Variants in SGCE observed in about 807,000 individuals in gnomAD.
SGCE encodes epsilon-sarcoglycan.
Under a neutral mutation model 57.8 loss-of-function variants are expected in SGCE, and 26 were observed. That is an observed-to-expected ratio of 0.45 (90% CI 0.33 to 0.62). SGCE has a LOEUF of 0.62. Ranked by LOEUF, SGCE falls within the 20% of genes least tolerant of loss-of-function variation. The pLI is 0.02. For missense variants in SGCE, 468 were observed against 548.6 expected, an observed-to-expected ratio of 0.85 and a Z score of 1.47; for synonymous variants, 183 against 189.5, an observed-to-expected ratio of 0.97 and a Z score of 0.28.
intron 9 of SGCE, chr7:94,598,016 A>AC (rs1390986551): frequency 5.8e-6 from 1 of 173,806 alleles, no homozygotes; most frequent in African/African-American, 2.4e-5. Context: ...TTAAAAAAAA[A>AC]AAAGAAAAAA....
At chr7:94,647,059 T>C (rs1004526725) in intron 1 of SGCE, among the ~76,000 whole-genome samples, 7 of 152,082 alleles carry the variant, frequency 4.6e-5, no homozygotes, top group African/African-American at 1.7e-4. Flanking sequence ...TATGATCACA[T>C]TTTTTCACTT....
At chr7:94,618,020 A>G (rs1334652952) in intron 5 of SGCE, 2 of 152,200 alleles carry the variant, frequency 1.3e-5, no homozygotes, top group Admixed American at 1.3e-4. Flanking sequence ...ATCTGCCTCA[A>G]CCTACAGATT....
intron 3 of SGCE, 142 bp from the exon 4 acceptor site, chr7:94,623,539 G>T: frequency 4.7e-6 from 3 of 634,876 alleles, no homozygotes; most frequent in Non-Finnish European, 8.4e-6. Flanking sequence ...CCTTCTCTGG[G>T]CAATGAGAAC....
intron 3 of SGCE, chr7:94,624,215 T>C (rs1016033477): frequency 7.7e-6 from 3 of 391,132 alleles, no homozygotes; most frequent in African/African-American, 4.2e-5. Context: ...ATCCCAGCAC[T>C]AACCTTCTGG....
At chr7:94,633,187 A>G (rs1197286460) in intron 1 of SGCE, among the ~76,000 whole-genome samples, 2 of 152,010 alleles carry the variant, frequency 1.3e-5, no homozygotes, top group Non-Finnish European at 2.9e-5. Flanking sequence ...GCCACTAGAT[A>G]TAAATGAAAC....
At chr7:94,640,395 G>T (rs1806216562) in intron 1 of SGCE, among the ~76,000 whole-genome samples, 1 of 152,144 alleles carries the variant, frequency 6.6e-6, no homozygotes, top group Admixed American at 6.5e-5. Context: ...GTGATCTGGA[G>T]CAAATATATG....
intron 9 of SGCE, chr7:94,598,535 C>T: frequency 6.3e-6 from 3 of 472,610 alleles, no homozygotes; most frequent in Non-Finnish European, 1.1e-5. Flanking sequence ...GTGTCAATTT[C>T]TTAAATATTA....
chr7:94,594,713 T>C (rs926592531), intron 9 of SGCE, among the ~76,000 whole-genome samples: 1 of 152,104 alleles, frequency 6.6e-6, no homozygotes, highest in Non-Finnish European at 1.5e-5. Flanking sequence ...ATCTGGGAAC[T>C]CTCTATTATC....
chr7:94,624,142 C>T (rs1185237514), intron 3 of SGCE: 3 of 385,730 alleles, frequency 7.8e-6, no homozygotes, highest in Admixed American at 4.7e-5. Flanking sequence ...TTAAATCATT[C>T]GGACACATCT....
chr7:94,648,341 C>T (rs1807393855), intron 1 of SGCE, among the ~76,000 whole-genome samples: 1 of 122,816 alleles, frequency 8.1e-6, no homozygotes, highest in Admixed American at 9.7e-5. Flanking sequence ...CATCATTGTA[C>T]TCCAGCCTGG....
intron 1 of SGCE, among the ~76,000 whole-genome samples, chr7:94,631,645 G>C (rs1044375913): frequency 6.6e-6 from 1 of 151,944 alleles, no homozygotes; most frequent in African/African-American, 2.4e-5. Flanking sequence ...ACTGGATACT[G>C]TGGGGGCCTT....
chr7:94,599,349 T>A (rs965820340), intron 8 of SGCE: 3 of 309,116 alleles, frequency 9.7e-6, no homozygotes, highest in African/African-American at 6.5e-5. Flanking sequence ...TTATGGTAGG[T>A]TATTACTGTA....
At chr7:94,599,601 A>C (rs993120135) in intron 8 of SGCE, 96 bp downstream of exon 8, 2 of 953,250 alleles carry the variant, frequency 2.1e-6, no homozygotes, top group Non-Finnish European at 3.4e-6. Flanking sequence ...AAAGATGACA[A>C]ATGAAAAAAA....
At chr7:94,627,156 A>G (rs926421329) in intron 3 of SGCE, 4 of 152,088 alleles carry the variant, frequency 2.6e-5, no homozygotes, top group Non-Finnish European at 4.4e-5. Flanking sequence ...ACAAACTTCA[A>G]TTCCAACTGA....
chr7:94,642,481 C>T (rs774909279), intron 1 of SGCE, among the ~76,000 whole-genome samples: 10 of 152,176 alleles, frequency 6.6e-5, no homozygotes, highest in Middle Eastern at 3.4e-3. Flanking sequence ...ACATGTACCC[C>T]CAAAATATAC....
At chr7:94,613,162 T>C (rs1334914211) in intron 5 of SGCE, among the ~76,000 whole-genome samples, 2 of 152,210 alleles carry the variant, frequency 1.3e-5, no homozygotes, top group Admixed American at 6.5e-5. Context: ...GCAGGAGATA[T>C]TGGATTTGTC....
At chr7:94,640,444 T>G (rs1190246293) in intron 1 of SGCE, among the ~76,000 whole-genome samples, 2 of 152,172 alleles carry the variant, frequency 1.3e-5, no homozygotes, top group Non-Finnish European at 2.9e-5. Flanking sequence ...CCATCCAAAC[T>G]GCCAATCTGC....
chr7:94,600,301 A>G (rs980328187), intron 7 of SGCE: 5 of 242,490 alleles, frequency 2.1e-5, no homozygotes, highest in African/African-American at 9.2e-5. Context: ...CAATTTTTTT[A>G]AGTGCAATTA....
chr7:94,650,463 ATCT>A (rs150639900), intron 1 of SGCE, among the ~76,000 whole-genome samples: 43,042 of 151,988 alleles, frequency 0.28, 7,873 homozygotes, highest in Non-Finnish European at 0.41. Context: ...GGAATCTTTC[ATCT>A]TCTTCTCAGG....
Sources: gnomAD v4.1 joint callset for allele counts (sites outside exome capture counted in the v4.1 genomes callset) on GRCh38, gnomAD v4.1.1 for gene constraint, MANE v1.5 for transcripts, NCBI Gene and HGNC (gene_info 2026-07-23, HGNC 2026-07-21) for gene names.